Variants in GRIP2 observed in about 807,000 individuals in gnomAD.
The protein encoded by GRIP2 is glutamate receptor interacting protein 2, also known as glutamate receptor-interacting protein 2.
GRIP2 carries 58 observed loss-of-function variants against 108.3 expected under a neutral mutation model. That is an observed-to-expected ratio of 0.54 (90% confidence interval 0.43 to 0.67). GRIP2 has a LOEUF of 0.67. Ranked by LOEUF, GRIP2 falls within the 30% of genes least tolerant of loss-of-function variation. The probability of loss-of-function intolerance (pLI) is 0.00; values close to 1 mark genes in which losing one functional copy is unlikely to be tolerated. For synonymous variants in GRIP2, 586 were observed against 598.2 expected (o/e 0.98, Z 0.30); for missense variants, 1,278 against 1,430.6 (o/e 0.89, Z 1.72).
Position 14,521,503 on chromosome 3 carries a change from C to T in GRIP2, c.712+139G>A, listed in dbSNP as rs1004120302. On this transcript the variant is annotated intron_variant, in intron 7 of 23. Coordinates refer to ENST00000621039, the MANE Select transcript of GRIP2 (RefSeq NM_001080423.4). This position sits in a 1 kb window ranked among gnomAD's most constrained non-coding sequence, Gnocchi z 5.1. ...AACAATGCCTAGCACATACTATTTA[C>T]TGCCCAGAGAAGCTGTGACTGGCCC... 4.5e-6 allele frequency: 4 copies of T among 880,572 alleles called. No homozygotes were observed. In the African/African-American group the frequency reaches 6.8e-5, roughly 15 times the overall value. 54.5% of individuals were successfully genotyped at this position (880,572 alleles called of 1,614,324 possible). A position where few individuals can be genotyped will look rare whatever the true frequency, so the allele number is the denominator to read the frequency against.
chr3:14,589,998 A>G, the GRIP2 span, among the ~76,000 whole-genome samples: 58 of 152,074 alleles, frequency 3.8e-4, no homozygotes, highest in South Asian at 0.011. Context: ...TCACCATGTT[A>G]CCTAGGCTGG....
chr3:14,586,036 C>T, the GRIP2 span, among the ~76,000 whole-genome samples: 1 of 152,234 alleles, frequency 6.6e-6, no homozygotes, highest in South Asian at 2.1e-4. Flanking sequence ...CCGGCTTTCT[C>T]ACAGCATGGC....
chr3:14,557,179 C>G (rs1695248925), upstream of GRIP2, among the ~76,000 whole-genome samples: 2 of 152,358 alleles, frequency 1.3e-5, no homozygotes, highest in South Asian at 4.1e-4. Context: ...TTTGGCCTAG[C>G]ATTCACCAGC....
intron 16 of GRIP2, among the ~76,000 whole-genome samples, chr3:14,510,384 C>A (rs1367982222): frequency 6.6e-6 from 1 of 151,538 alleles, no homozygotes; most frequent in Non-Finnish European, 1.5e-5. Flanking sequence ...CCCACCTCAG[C>A]CTCCCAAGTA....
At chr3:14,514,794 T>TAGTATC (rs1054031004) in intron 11 of GRIP2, among the ~76,000 whole-genome samples, 1 of 152,236 alleles carries the variant, frequency 6.6e-6, no homozygotes, top group African/African-American at 2.4e-5. Flanking sequence ...TGATCTACTG[T>TAGTATC]AGTATCTACT....
chr3:14,491,766 C>T lies in GRIP2; in HGVS notation c.*1899G>A, dbSNP rs557090926. The T allele has an allele frequency of 6.6e-6, 1 of 152,458 alleles. No homozygotes were observed. The highest frequency in any genetic ancestry group is 6.5e-5 in the Admixed American group (1 of 15,300). The allele number at this position is 152,458 out of a possible 1,614,324, so 9.4% of individuals were successfully genotyped here. A position where few individuals can be genotyped will look rare whatever the true frequency, so the allele number is the denominator to read the frequency against. ...GCAGAGGTCCAGAGAGGCTGAGCCA[C>T]CTGTCCAAGGTCACACAGCTATGGC... On this transcript the variant is annotated 3_prime_UTR_variant, in exon 24 of 24. Transcript: ENST00000621039.
In GRIP2 at chr3:14,503,595, C is replaced by G; in HGVS notation, c.2650G>C (p.Gly884Arg). The change falls in exon 21 of 24, where the codon GGT becomes CGT. Residue 884 changes from glycine to arginine, a missense_variant. By Grantham distance (125) the Gly-to-Arg change is moderately radical. Transcript: ENST00000621039. Reference protein sequence around the residue: ...GEALEDLESCGQSELLRELEA... With the variant: ...GEALEDLESCRQSELLRELEA... Reference sequence around the variant, plus strand: ...AGTTCCCTCAGCAGCTCTGACTGACCACATGACTCCAGGTCTTCGAGAGCT... The same window carrying G: ...AGTTCCCTCAGCAGCTCTGACTGACGACATGACTCCAGGTCTTCGAGAGCT... 1 of 1,611,404 alleles carries G rather than the reference C, an allele frequency of 6.2e-7. No individual in the cohort carries two copies. Among genetic ancestry groups the G allele is most frequent in the Non-Finnish European group, 8.5e-7 (1 of 1,178,992 alleles).
At chr3:14,513,636 T>C (rs1229453366) in intron 13 of GRIP2, 29 bp downstream of exon 13, 3 of 1,586,644 alleles carry the variant, frequency 1.9e-6, no homozygotes, top group Non-Finnish European at 2.6e-6. Flanking sequence ...CCCTGAAATA[T>C]GAGGAGGAAG....
chr3:14,567,263 G>A, the GRIP2 span, among the ~76,000 whole-genome samples: 1 of 148,716 alleles, frequency 6.7e-6, no homozygotes, highest in Non-Finnish European at 1.5e-5. Flanking sequence ...CCTGAGCACT[G>A]GAAAAAATAC....
At chr3:14,563,722 A>T in the GRIP2 span, among the ~76,000 whole-genome samples, 124,234 of 152,028 alleles carry the variant, frequency 0.82, 50,911 homozygotes, top group South Asian at 0.92. Context: ...GTCACCTGGC[A>T]GCTAGAATTA....
chr3:14,507,804 G>A lies in GRIP2; in HGVS notation c.2079-104C>T, dbSNP rs1178754862. On this transcript the variant is annotated intron_variant, in intron 17 of 23. Transcript: ENST00000621039. The surrounding 1 kb of genome is among the most constrained non-coding windows in gnomAD (Gnocchi z 4.6). The stretch of plus-strand genomic sequence containing the variant: ...AGGAGAGCCACAAAGCAGAAGTCTG[G>A]CTGACCCCAGTTAAACCCAGCTGCC... 7.4e-7 allele frequency: 1 copy of A among 1,359,320 alleles called. No individual in the cohort carries two copies. Among genetic ancestry groups the A allele is most frequent in the Middle Eastern group, 2.5e-4 (1 of 4,010 alleles). 84.2% of individuals were successfully genotyped at this position (1,359,320 alleles called of 1,614,324 possible). A position where few individuals can be genotyped will look rare whatever the true frequency, so the allele number is the denominator to read the frequency against.
the GRIP2 span, among the ~76,000 whole-genome samples, chr3:14,575,935 G>A: frequency 9.2e-5 from 14 of 152,260 alleles, no homozygotes; most frequent in Non-Finnish European, 1.9e-4. Flanking sequence ...TTGGGTAGGT[G>A]AGTCTGGACG....
chr3:14,511,175 C>G lies in GRIP2; in HGVS notation c.1923G>C (p.Glu641Asp), dbSNP rs1280682778. The G allele has an allele frequency of 2.5e-6, 4 of 1,613,932 alleles. No individual in the cohort carries two copies. The South Asian group carries it at 4.4e-5, about 18-fold the overall frequency. Residue 641 changes from glutamate (E) to aspartate (D), a missense_variant, in exon 16 of 24, where the codon GAG (glutamate) becomes GAC (aspartate). Physicochemically the swap from Glu to Asp is conservative, Grantham distance 45 (BLOSUM62 2). Coordinates refer to ENST00000621039, the MANE Select transcript of GRIP2 (RefSeq NM_001080423.4). This position sits in a 1 kb window ranked among gnomAD's most constrained non-coding sequence, Gnocchi z 4.1. ...DLVKLKIRKD[E>D]DNSDELETTG... ...GCATGAGGGCCATACCAGAGTTGTC[C>G]TCGTCCTTCCGGATCTTCAGCTTCA...
the GRIP2 span, chr3:14,574,026 C>A: frequency 6.8e-7 from 1 of 1,470,984 alleles, no homozygotes; most frequent in Non-Finnish European, 9.5e-7. Flanking sequence ...GGCCTCCGAG[C>A]TGGGCCCGAT....
chr3:14,528,728 G>A (rs780395085), intron 1 of GRIP2, among the ~76,000 whole-genome samples: 58 of 152,096 alleles, frequency 3.8e-4, no homozygotes, highest in Non-Finnish European at 6.6e-4. Flanking sequence ...TAATACATGT[G>A]CAGAGGTATC....
At chr3:14,528,255 G>A (rs1694616840) in intron 1 of GRIP2, among the ~76,000 whole-genome samples, 1 of 152,176 alleles carries the variant, frequency 6.6e-6, no homozygotes, top group African/African-American at 2.4e-5. Flanking sequence ...ATCTTTTTAT[G>A]GATGACTTGG....
chr3:14,554,015 G>T (rs1200312212), intron 1 of GRIP2, among the ~76,000 whole-genome samples: 1 of 152,138 alleles, frequency 6.6e-6, no homozygotes, highest in African/African-American at 2.4e-5. Flanking sequence ...AGATGTGACT[G>T]CCCTGGGGAC....
the GRIP2 span, among the ~76,000 whole-genome samples, chr3:14,569,514 C>T: frequency 6.6e-5 from 10 of 152,326 alleles, no homozygotes; most frequent in African/African-American, 2.4e-4. Context: ...CCCTGCTGGG[C>T]CACGCATTAA....
the GRIP2 span, among the ~76,000 whole-genome samples, chr3:14,578,535 G>A: frequency 1.3e-5 from 2 of 152,032 alleles, no homozygotes; most frequent in African/African-American, 4.8e-5. Context: ...TGGCCAACAT[G>A]GTGAAATCCC....
Sources: allele counts gnomAD v4.1 joint callset (sites outside exome capture counted in the v4.1 genomes callset), GRCh38; gene constraint gnomAD v4.1.1; non-coding constraint Gnocchi (gnomAD v3.1); transcripts MANE v1.5; gene names NCBI Gene and HGNC (gene_info 2026-07-23, HGNC 2026-07-21).